Variants in FHIT observed in about 807,000 individuals in gnomAD.
FHIT encodes the protein bis(5'-adenosyl)-triphosphatase.
A neutral mutation model predicts 17.9 loss-of-function variants in FHIT; 19 were observed. The ratio of observed to expected loss-of-function variants is 1.06; its 90% CI spans 0.74 to 1.56. FHIT has a LOEUF of 1.56. Among genes scored for constraint, FHIT ranks in the 40% most tolerant of loss-of-function variants. The pLI is 0.00. For synonymous variants in FHIT, 81 were observed against 69.7 expected (o/e 1.16, Z -0.81); for missense variants, 248 against 189.2 (o/e 1.31, Z -1.82).
chr3:60,970,037 T>G (rs1709932838), intron 3 of FHIT, among the ~76,000 whole-genome samples: 1 of 152,140 alleles, frequency 6.6e-6, no homozygotes, highest in Non-Finnish European at 1.5e-5. Flanking sequence ...TTTTCCAGGC[T>G]GGTCTTAAAC....
chr3:60,927,056 G>A lies in FHIT; in HGVS notation c.-110-105045C>T, dbSNP rs1439491737. On this transcript the variant is annotated intron_variant, in intron 3 of 9. Coordinates refer to ENST00000492590, the MANE Select transcript of FHIT (RefSeq NM_002012.4). ...TCCACGGTCTCCCTCTGTTGCCGAGGCTGGACTGTACTGCCACGATCTCGG... is the reference window on the plus strand; with the variant it reads ...TCCACGGTCTCCCTCTGTTGCCGAGACTGGACTGTACTGCCACGATCTCGG... Among the ~76,000 whole-genome samples the A allele has an allele frequency of 2.0e-5, 3 of 152,256 alleles. No homozygotes were observed. The East Asian group carries it at 5.8e-4, about 29-fold the overall frequency.
chr3:60,293,615 G>C (rs1166007333), intron 5 of FHIT, among the ~76,000 whole-genome samples: 1 of 151,700 alleles, frequency 6.6e-6, no homozygotes, highest in Non-Finnish European at 1.5e-5. Flanking sequence ...AAATATGCCT[G>C]CTGGTTGGAA....
intron 5 of FHIT, among the ~76,000 whole-genome samples, chr3:60,181,476 T>C (rs985384850): frequency 6.6e-6 from 1 of 152,170 alleles, no homozygotes; most frequent in African/African-American, 2.4e-5. Context: ...ATTTTACAGA[T>C]GGGAACATCT....
intron 5 of FHIT, among the ~76,000 whole-genome samples, chr3:60,160,595 AGAG>A (rs1452499005): frequency 5.3e-5 from 8 of 152,196 alleles, no homozygotes; most frequent in Non-Finnish European, 8.8e-5. Flanking sequence ...ACAATCGAGT[AGAG>A]AAAGAAAATG....
At chr3:60,164,459 G>A (rs1276053047) in intron 5 of FHIT, among the ~76,000 whole-genome samples, 2 of 152,162 alleles carry the variant, frequency 1.3e-5, no homozygotes, top group Non-Finnish European at 1.5e-5. Context: ...ACCATCCCAC[G>A]TTTCCGTGAT....
chr3:60,350,028 T>C (rs1340876164), intron 5 of FHIT, among the ~76,000 whole-genome samples: 3 of 152,174 alleles, frequency 2.0e-5, no homozygotes, highest in Non-Finnish European at 2.9e-5. Context: ...ACAATTGGTA[T>C]TGGTGTAGGA....
intron 5 of FHIT, among the ~76,000 whole-genome samples, chr3:60,134,788 T>C (rs1291606559): frequency 2.6e-5 from 4 of 152,172 alleles, no homozygotes; most frequent in South Asian, 2.1e-4. Context: ...TGTATCTTGA[T>C]ACAATTAGTT....
At chr3:59,892,547 T>A (rs1195273291) in intron 8 of FHIT, among the ~76,000 whole-genome samples, 1 of 152,176 alleles carries the variant, frequency 6.6e-6, no homozygotes, top group Non-Finnish European at 1.5e-5. Flanking sequence ...GGGGGTAGAA[T>A]CTATTTAGCC....
At chr3:60,475,217 A>C (rs565037067) in intron 5 of FHIT, among the ~76,000 whole-genome samples, 1 of 152,160 alleles carries the variant, frequency 6.6e-6, no homozygotes, top group African/African-American at 2.4e-5. Flanking sequence ...ACATTTCTAT[A>C]AAGTAGGTAT....
At chr3:60,463,672 T>G (rs1253395645) in intron 5 of FHIT, among the ~76,000 whole-genome samples, 1 of 152,184 alleles carries the variant, frequency 6.6e-6, no homozygotes, top group East Asian at 1.9e-4. Context: ...TGGGAGGTTA[T>G]AGCATGCCCA....
chr3:59,902,703 AACT>A, intron 8 of FHIT, among the ~76,000 whole-genome samples: 1 of 152,356 alleles, frequency 6.6e-6, no homozygotes, highest in Non-Finnish European at 1.5e-5. Flanking sequence ...ACAGAAAGAA[AACT>A]ACTGCATGAT....
intron 4 of FHIT, among the ~76,000 whole-genome samples, chr3:60,624,222 T>C (rs575051112): frequency 6.6e-6 from 1 of 152,182 alleles, no homozygotes; most frequent in Non-Finnish European, 1.5e-5. Flanking sequence ...GGTGCCAGAA[T>C]GCAAAATGAG....
intron 3 of FHIT, among the ~76,000 whole-genome samples, chr3:60,876,220 C>T (rs1454960004): frequency 2.0e-5 from 3 of 152,002 alleles, no homozygotes; most frequent in Non-Finnish European, 4.4e-5. Context: ...CCATTATATT[C>T]ATACTTTTTG....
At chr3:60,575,502 A>G (rs1553657278) in intron 4 of FHIT, among the ~76,000 whole-genome samples, 4 of 152,196 alleles carry the variant, frequency 2.6e-5, no homozygotes. Context: ...CTGTAGAAAC[A>G]GGCTTACACA....
At chr3:60,139,259 A>G (rs910378659) in intron 5 of FHIT, among the ~76,000 whole-genome samples, 10 of 152,162 alleles carry the variant, frequency 6.6e-5, no homozygotes, top group Admixed American at 1.3e-4. Context: ...CACTGTGTCT[A>G]CTTCATCAGA....
intron 2 of FHIT, among the ~76,000 whole-genome samples, chr3:61,136,846 C>T (rs545556790): frequency 6.6e-6 from 1 of 152,134 alleles, no homozygotes; most frequent in African/African-American, 2.4e-5. Flanking sequence ...ACATGGAAAA[C>T]CTTTTTAATC....
chr3:60,522,678 G>A (rs1187974908), intron 5 of FHIT, among the ~76,000 whole-genome samples: 2 of 152,190 alleles, frequency 1.3e-5, no homozygotes, highest in Non-Finnish European at 2.9e-5. Context: ...TGAGAATGCT[G>A]TCAATTACAT....
chr3:59,751,046 CTATTT>C, intron 9 of FHIT: 1 of 156,026 alleles, frequency 6.4e-6, no homozygotes. Flanking sequence ...AAAAAAGAAA[CTATTT>C]ATAGGAGAGG....
intron 4 of FHIT, among the ~76,000 whole-genome samples, chr3:60,708,735 A>C (rs2041438429): frequency 6.6e-6 from 1 of 152,218 alleles, no homozygotes; most frequent in Non-Finnish European, 1.5e-5. Flanking sequence ...TAAAATGTTA[A>C]GACTCATTGT....
Sources: gnomAD v4.1 joint callset for allele counts (sites outside exome capture counted in the v4.1 genomes callset) on GRCh38, gnomAD v4.1.1 for gene constraint, MANE v1.5 for transcripts, NCBI Gene and HGNC (gene_info 2026-07-23, HGNC 2026-07-21) for gene names.